The following AGBL4 variants were observed in gnomAD, a reference collection of about 807,000 sequenced individuals.
AGBL4 encodes the protein AGBL carboxypeptidase 4, also known as cytosolic carboxypeptidase 6.
A neutral mutation model predicts 66.4 loss-of-function variants in AGBL4; 58 were observed. The ratio of observed to expected loss-of-function variants is 0.87; its 90% confidence interval spans 0.71 to 1.09. AGBL4 has a LOEUF of 1.09. Ranked by LOEUF, AGBL4 falls within the 50% of genes least tolerant of loss-of-function variation. The pLI, the probability that AGBL4 is intolerant of heterozygous loss-of-function variation, is 0.00. For missense variants in AGBL4, 579 were observed against 631.0 expected, an observed-to-expected ratio of 0.92 and a Z score of 0.88; for synonymous variants, 234 against 222.9, an observed-to-expected ratio of 1.05 and a Z score of -0.44.
chr1:49,512,972 A>G (rs757517460), intron 3 of AGBL4, among the ~76,000 whole-genome samples: 5 of 152,006 alleles, frequency 3.3e-5, no homozygotes, highest in Non-Finnish European at 7.4e-5. Flanking sequence ...ATTTTATCCT[A>G]TTCTTGAAGA....
At chr1:49,112,953 A>ATT (rs780520117) in intron 4 of AGBL4, among the ~76,000 whole-genome samples, 15 of 142,256 alleles carry the variant, frequency 1.1e-4, no homozygotes, top group African/African-American at 1.6e-4. Context: ...CTTCTTTTTA[A>ATT]TTTTTTTTTT....
chr1:48,902,477 G>A (rs1053560469), intron 5 of AGBL4, among the ~76,000 whole-genome samples: 1 of 152,086 alleles, frequency 6.6e-6, no homozygotes, highest in Non-Finnish European at 1.5e-5. Context: ...AGGATCCAAA[G>A]TATTTAGTGG....
chr1:49,874,463 C>T (rs1437539372), intron 1 of AGBL4, among the ~76,000 whole-genome samples: 1 of 151,894 alleles, frequency 6.6e-6, no homozygotes, highest in Non-Finnish European at 1.5e-5. Context: ...CTAAAAAACC[C>T]AATAAAGTTT....
At chr1:48,963,369 A>G (rs1658159755) in intron 5 of AGBL4, among the ~76,000 whole-genome samples, 1 of 152,178 alleles carries the variant, frequency 6.6e-6, no homozygotes, top group Non-Finnish European at 1.5e-5. Context: ...TTCAAACTAT[A>G]GCACTCCTTG....
intron 1 of AGBL4, among the ~76,000 whole-genome samples, chr1:49,938,796 C>T (rs372193557): frequency 5.3e-5 from 8 of 152,108 alleles, no homozygotes; most frequent in South Asian, 2.1e-4. Context: ...AATTCAACAA[C>T]GCTTCGTGCT....
At chr1:49,073,592 C>G (rs1428744920) in intron 4 of AGBL4, among the ~76,000 whole-genome samples, 1 of 152,176 alleles carries the variant, frequency 6.6e-6, no homozygotes, top group African/African-American at 2.4e-5. Context: ...TGCAGAACAG[C>G]AAATATCACT....
chr1:49,458,841 T>G (rs576067380), intron 3 of AGBL4, among the ~76,000 whole-genome samples: 2 of 152,014 alleles, frequency 1.3e-5, no homozygotes, highest in South Asian at 4.1e-4. Context: ...TTTTTAATTG[T>G]GTTAATGTGG....
intron 11 of AGBL4, among the ~76,000 whole-genome samples, chr1:48,581,580 G>A (rs990700878): frequency 6.6e-6 from 1 of 152,162 alleles, no homozygotes; most frequent in Non-Finnish European, 1.5e-5. Flanking sequence ...TTTGAACAGA[G>A]CATATTTATT....
intron 4 of AGBL4, among the ~76,000 whole-genome samples, chr1:49,190,559 G>A (rs58816894): frequency 0.11 from 17,436 of 151,998 alleles, 1,741 homozygotes; most frequent in African/African-American, 0.27. Flanking sequence ...TTAATTAGTG[G>A]GGCTGAGAGA....
chr1:49,050,101 G>T (rs1241791775), intron 4 of AGBL4, among the ~76,000 whole-genome samples: 3 of 152,028 alleles, frequency 2.0e-5, no homozygotes, highest in Non-Finnish European at 4.4e-5. Flanking sequence ...AAGATTTCAG[G>T]TCCTGTAGTG....
intron 2 of AGBL4, among the ~76,000 whole-genome samples, chr1:49,762,012 T>C (rs938000166): frequency 2.0e-5 from 3 of 152,248 alleles, no homozygotes; most frequent in Admixed American, 2.0e-4. Flanking sequence ...ACACCTTGGT[T>C]ATTGTAAATA....
At chr1:49,702,410 G>C (rs1019647682) in intron 2 of AGBL4, among the ~76,000 whole-genome samples, 3 of 152,092 alleles carry the variant, frequency 2.0e-5, no homozygotes, top group African/African-American at 7.2e-5. Context: ...AGAATCACTT[G>C]ATCCCGGGAG....
intron 1 of AGBL4, among the ~76,000 whole-genome samples, chr1:49,985,063 C>A (rs1350179039): frequency 6.6e-6 from 1 of 152,066 alleles, no homozygotes; most frequent in South Asian, 2.1e-4. Flanking sequence ...GTACTACATG[C>A]TTGGGAGAAA....
chr1:49,095,639 T>G (rs1182859193), intron 4 of AGBL4, among the ~76,000 whole-genome samples: 2 of 152,046 alleles, frequency 1.3e-5, no homozygotes, highest in Admixed American at 6.6e-5. Flanking sequence ...TAGCCATATG[T>G]AGAAAGCTGA....
intron 2 of AGBL4, among the ~76,000 whole-genome samples, chr1:49,717,455 A>T (rs1648239699): frequency 6.6e-6 from 1 of 151,932 alleles, no homozygotes; most frequent in Non-Finnish European, 1.5e-5. Flanking sequence ...GTCTGACCTC[A>T]TCTCCTATTA....
chr1:49,766,458 A>G (rs764381056), intron 2 of AGBL4, among the ~76,000 whole-genome samples: 1 of 152,104 alleles, frequency 6.6e-6, no homozygotes, highest in Non-Finnish European at 1.5e-5. Context: ...TGGAAAGAAA[A>G]CATCTGCTAA....
At chr1:48,527,804 G>A in the AGBL4 span, among the ~76,000 whole-genome samples, 1 of 152,100 alleles carries the variant, frequency 6.6e-6, no homozygotes, top group African/African-American at 2.4e-5. Flanking sequence ...AATAACCAGT[G>A]GGATTTGGCA....
rs1380337364 is a variant in AGBL4, at chr1:49,576,254, G to A, written c.282+121059C>T. 2.0e-5 allele frequency among the ~76,000 whole-genome samples: 3 copies of A among 152,320 alleles called. No homozygotes were observed. The East Asian group carries it at 5.8e-4, about 29-fold the overall frequency. On this transcript the variant is annotated intron_variant, in intron 3 of 13. Coordinates refer to ENST00000371839, the MANE Select transcript of AGBL4 (RefSeq NM_032785.4). Reference sequence around the variant, plus strand: ...CATTTATTGAGTAACAGAAAATGCTGCCAGTTTTAAGTGGGGTCCAGAACA... The same window carrying A: ...CATTTATTGAGTAACAGAAAATGCTACCAGTTTTAAGTGGGGTCCAGAACA...
At chr1:49,780,769 A>T (rs1644317383) in intron 2 of AGBL4, among the ~76,000 whole-genome samples, 1 of 152,168 alleles carries the variant, frequency 6.6e-6, no homozygotes, top group Non-Finnish European at 1.5e-5. Flanking sequence ...TTACACTGGG[A>T]AATATTCACT....
Sources: gnomAD v4.1 joint callset for allele counts (sites outside exome capture counted in the v4.1 genomes callset) on GRCh38, gnomAD v4.1.1 for gene constraint, MANE v1.5 for transcripts, NCBI Gene and HGNC (gene_info 2026-07-23, HGNC 2026-07-21) for gene names.